The following SLIT3 variants were observed in gnomAD, a reference collection of about 807,000 sequenced individuals.
SLIT3 encodes the protein slit guidance ligand 3.
Under a neutral mutation model 184.0 loss-of-function variants are expected in SLIT3, and 68 were observed. The ratio of observed to expected loss-of-function variants is 0.37; its 90% confidence interval spans 0.30 to 0.45. SLIT3 has a LOEUF of 0.45. Ranked by LOEUF, SLIT3 falls within the 20% of genes least tolerant of loss-of-function variation. The pLI, the probability that SLIT3 is intolerant of heterozygous loss-of-function variation, is 1.00. For synonymous variants in SLIT3, 831 were observed against 828.6 expected, an observed-to-expected ratio of 1.00 and a Z score of -0.05; for missense variants, 1,707 against 2,026.0, an observed-to-expected ratio of 0.84 and a Z score of 3.02.
At chr5:168,844,866 C>T in intron 5 of SLIT3, 1 of 497,046 alleles carries the variant, frequency 2.0e-6, no homozygotes, top group Admixed American at 3.4e-5. Flanking sequence ...CACCAAAAGG[C>T]TGTCAGGTCT....
In SLIT3 at chr5:169,300,439, C is replaced by G; in HGVS notation, c.197+74G>C. On this transcript the variant is annotated intron_variant, in intron 1 of 35. Coordinates refer to ENST00000519560, the MANE Select transcript of SLIT3 (RefSeq NM_003062.4). The surrounding 1 kb of genome is among the most constrained non-coding windows in gnomAD (Gnocchi z 4.1). ...ATCCAGGGAGGCCGAGGGGAAAGGA[C>G]GGATCTGGCGCCTGGGGCCCCCTCG... 2.2e-6 allele frequency: 3 copies of G among 1,374,652 alleles called. No homozygotes were observed. In the East Asian group the frequency reaches 9.3e-5, roughly 42 times the overall value. The allele number at this position is 1,374,652 out of a possible 1,614,324, so 85.2% of individuals were successfully genotyped here.
chr5:168,850,502 C>A (rs1359638809), intron 5 of SLIT3, among the ~76,000 whole-genome samples: 1 of 152,182 alleles, frequency 6.6e-6, no homozygotes, highest in African/African-American at 2.4e-5. Context: ...CAATTGTTGA[C>A]CTCTGACGTT....
At chr5:169,220,877 T>G (rs1350890898) in intron 3 of SLIT3, among the ~76,000 whole-genome samples, 1 of 152,164 alleles carries the variant, frequency 6.6e-6, no homozygotes, top group Non-Finnish European at 1.5e-5. Context: ...GGTCACTCGA[T>G]CTATACAATC....
intron 1 of SLIT3, among the ~76,000 whole-genome samples, chr5:169,253,082 A>T (rs1765831773): frequency 7.1e-6 from 1 of 139,906 alleles, no homozygotes; most frequent in African/African-American, 2.8e-5. Flanking sequence ...CTGGTTTAGA[A>T]GAAAAAAAAA....
chr5:168,665,535 C>T lies in SLIT3; in HGVS notation c.*919G>A, dbSNP rs1406009420. 1 of 152,252 alleles carries T rather than the reference C, an allele frequency of 6.6e-6. No homozygotes were observed. Among genetic ancestry groups the T allele is most frequent in the Non-Finnish European group, 1.5e-5 (1 of 68,058 alleles). The allele number at this position is 152,252 out of a possible 1,614,324, so 9.4% of individuals were successfully genotyped here. On this transcript the variant is annotated 3_prime_UTR_variant, in exon 36 of 36. Transcript: ENST00000519560. ...TCCTGAGGAGACACCATGATATTCTCTTCCCTCGCCTCCTCTAGGAAGACC... is the reference window on the plus strand; with the variant it reads ...TCCTGAGGAGACACCATGATATTCTTTTCCCTCGCCTCCTCTAGGAAGACC...
At chr5:169,141,887 TAAAAATACA>T (rs1215190622) in intron 4 of SLIT3, among the ~76,000 whole-genome samples, 6 of 149,386 alleles carry the variant, frequency 4.0e-5, no homozygotes, top group Admixed American at 6.7e-5. Context: ...CCATCTCTAC[TAAAAATACA>T]AAAATTAGCT....
At chr5:168,777,097 ACACACACACC>A (rs1185766825) in intron 12 of SLIT3, among the ~76,000 whole-genome samples, 26 of 117,882 alleles carry the variant, frequency 2.2e-4, no homozygotes, top group African/African-American at 1.1e-3. Context: ...ACACACACAC[ACACACACACC>A]CCCCATACCA....
intron 4 of SLIT3, among the ~76,000 whole-genome samples, chr5:169,010,909 CAAA>C (rs532475548): frequency 4.4e-5 from 3 of 68,292 alleles, no homozygotes; most frequent in African/African-American, 1.0e-4. Context: ...ACTCTGTTTC[CAAA>C]AAAAAAAAAA....
chr5:168,790,093 CAG>C (rs2113588217), intron 10 of SLIT3: 1 of 157,054 alleles, frequency 6.4e-6, no homozygotes, highest in African/African-American at 2.4e-5. Flanking sequence ...CCAGAAAGTC[CAG>C]AGTCATTTCA....
At chr5:168,935,061 C>T (rs1338280488) in intron 4 of SLIT3, among the ~76,000 whole-genome samples, 2 of 149,846 alleles carry the variant, frequency 1.3e-5, no homozygotes, top group Non-Finnish European at 3.0e-5. Context: ...TTGTTTGAAC[C>T]CGGGAGGTGG....
intron 4 of SLIT3, among the ~76,000 whole-genome samples, chr5:169,059,538 A>G (rs1442356543): frequency 1.3e-5 from 2 of 152,186 alleles, no homozygotes; most frequent in Non-Finnish European, 2.9e-5. Context: ...AAAGCCCCTT[A>G]TCCATGTCTA....
chr5:168,885,921 A>G (rs1026631971), intron 4 of SLIT3, among the ~76,000 whole-genome samples: 1 of 152,158 alleles, frequency 6.6e-6, no homozygotes, highest in East Asian at 1.9e-4. Flanking sequence ...AAATCTGGCC[A>G]TGTTGCTGGG....
chr5:168,922,793 G>T (rs1422298523), intron 4 of SLIT3, among the ~76,000 whole-genome samples: 1 of 152,048 alleles, frequency 6.6e-6, no homozygotes, highest in Admixed American at 6.6e-5. Flanking sequence ...AAGAGGTCTG[G>T]GCCTAAGACA....
chr5:168,877,022 C>T (rs1015861041), intron 5 of SLIT3, among the ~76,000 whole-genome samples: 9 of 152,196 alleles, frequency 5.9e-5, no homozygotes, highest in African/African-American at 2.2e-4. Context: ...TCTTTCAATA[C>T]ATTTCTAGTC....
At position 169,052,034 on chromosome 5, in the gene SLIT3, G is replaced by T. The variant is rs72826580; in HGVS notation, c.413+141445C>A. Among the ~76,000 whole-genome samples, 1,329 of 152,158 alleles carry T rather than the reference G, an allele frequency of 8.7e-3. 7 individuals are homozygous for T. The highest frequency in any genetic ancestry group is 0.015 in the Non-Finnish European group (1,024 of 67,990). On this transcript the variant is annotated intron_variant, in intron 4 of 35. Transcript: ENST00000519560. ...TACTGAAGGCTAGTTACAATAACCGGACATCCCCAGCCCCCTTCAGAAAGA... is the reference window on the plus strand; with the variant it reads ...TACTGAAGGCTAGTTACAATAACCGTACATCCCCAGCCCCCTTCAGAAAGA...
At chr5:168,921,489 G>A (rs1223122722) in intron 4 of SLIT3, among the ~76,000 whole-genome samples, 1 of 152,158 alleles carries the variant, frequency 6.6e-6, no homozygotes, top group Non-Finnish European at 1.5e-5. Flanking sequence ...ATACATCATT[G>A]CACCAAGTCT....
intron 4 of SLIT3, among the ~76,000 whole-genome samples, chr5:169,074,158 A>G (rs1330106437): frequency 1.3e-5 from 2 of 152,154 alleles, no homozygotes; most frequent in African/African-American, 2.4e-5. Context: ...GATGTCTAAC[A>G]TGTACCCTAT....
At chr5:169,299,330 G>A (rs1281782446) in intron 1 of SLIT3, among the ~76,000 whole-genome samples, 2 of 152,264 alleles carry the variant, frequency 1.3e-5, no homozygotes, top group East Asian at 3.9e-4. Context: ...AAGAGGAGGT[G>A]GGGTGATAGG....
chr5:169,263,631 C>T (rs62376935), intron 1 of SLIT3: 35,387 of 495,762 alleles, frequency 0.071, 1,948 homozygotes, highest in East Asian at 0.29. Flanking sequence ...TACAGATACG[C>T]CCAACGTTCA....
Sources: gnomAD v4.1 joint callset for allele counts (sites outside exome capture counted in the v4.1 genomes callset) on GRCh38, gnomAD v4.1.1 for gene constraint, Gnocchi (gnomAD v3.1) non-coding constraint, MANE v1.5 for transcripts, NCBI Gene and HGNC (gene_info 2026-07-23, HGNC 2026-07-21) for gene names.